Variants in UGT1A9 observed in about 807,000 individuals in gnomAD.
UGT1A9 encodes UDP glucuronosyltransferase family 1 member A9.
Under a neutral mutation model 45.0 loss-of-function variants are expected in UGT1A9, and 35 were observed. The ratio of observed to expected loss-of-function variants is 0.78; its 90% CI spans 0.59 to 1.03. The LOEUF (loss-of-function observed/expected upper bound fraction) is 1.03, where lower values mean the gene tolerates loss of function less well. Ranked by LOEUF, UGT1A9 falls within the 50% of genes least tolerant of loss-of-function variation. The pLI is 0.00. For synonymous variants in UGT1A9, 278 were observed against 250.6 expected (o/e 1.11, Z -1.03); for missense variants, 687 against 666.6 (o/e 1.03, Z -0.34).
At chr2:233,685,186 A>G (rs2074727180) in intron 1 of UGT1A9, among the ~76,000 whole-genome samples, 1 of 152,130 alleles carries the variant, frequency 6.6e-6, no homozygotes, top group Admixed American at 6.5e-5. Flanking sequence ...TCAGGAGAAC[A>G]TTAAAACGGT....
At chr2:233,679,411 G>T (rs1347340983) in intron 1 of UGT1A9, among the ~76,000 whole-genome samples, 2 of 152,186 alleles carry the variant, frequency 1.3e-5, no homozygotes, top group African/African-American at 4.8e-5. Context: ...AGGTTTGGCA[G>T]TTCTACTGAT....
intron 1 of UGT1A9, chr2:233,713,255 A>G (rs1242833896): frequency 6.2e-7 from 1 of 1,614,152 alleles, no homozygotes; most frequent in Admixed American, 1.7e-5. Flanking sequence ...CCCAGGACGA[A>G]TTTGATCGCC....
At chr2:233,718,968 G>A (rs1423240253) in intron 1 of UGT1A9, 1 of 1,614,222 alleles carries the variant, frequency 6.2e-7, no homozygotes, top group Non-Finnish European at 8.5e-7. Flanking sequence ...GGCCTTGCGG[G>A]AGCTCCATGC....
chr2:233,722,844 T>C (rs1216132787), intron 1 of UGT1A9, among the ~76,000 whole-genome samples: 6 of 105,740 alleles, frequency 5.7e-5, no homozygotes, highest in African/African-American at 3.6e-4. Flanking sequence ...TAAGAATGTT[T>C]CTTTTTTTTT....
chr2:233,715,509 C>G (rs991063274), intron 1 of UGT1A9, among the ~76,000 whole-genome samples: 3 of 152,138 alleles, frequency 2.0e-5, no homozygotes, highest in African/African-American at 7.2e-5. Context: ...GGGTAGCTCA[C>G]ACCTGTAATT....
At chr2:233,702,172 T>C (rs2075673441) in intron 1 of UGT1A9, among the ~76,000 whole-genome samples, 1 of 152,210 alleles carries the variant, frequency 6.6e-6, no homozygotes, top group Non-Finnish European at 1.5e-5. Context: ...TCACTCTTCT[T>C]TCTCTCCTTC....
At chr2:233,771,698 A>G (rs892218397) in intron 4 of UGT1A9, 1 of 152,738 alleles carries the variant, frequency 6.5e-6, no homozygotes, top group Non-Finnish European at 1.5e-5. Flanking sequence ...GAAGAAGAGT[A>G]GGAAGCAAGG....
chr2:233,692,696 C>G lies in UGT1A9; in HGVS notation c.855+19907C>G, dbSNP rs28898576. ...ATTGGCAGGGGGTCCTCAGGGGTCT[C>G]TCCAAGTCATCTTCAAAGTGTTGCT... On this transcript the variant is annotated intron_variant, in intron 1 of 4. Coordinates refer to ENST00000354728, the MANE Select transcript of UGT1A9 (RefSeq NM_021027.3). The G allele has an allele frequency of 5.4e-3, 2,104 of 392,412 alleles. 43 individuals are homozygous for G. The highest frequency in any genetic ancestry group is 0.043 in the African/African-American group (1,970 of 45,804). The allele number at this position is 392,412 out of a possible 1,614,324, so 24.3% of individuals were successfully genotyped here. A position where few individuals can be genotyped will look rare whatever the true frequency, so the allele number is the denominator to read the frequency against.
At chr2:233,767,659 C>G (rs975874168) in intron 2 of UGT1A9, among the ~76,000 whole-genome samples, 190 bp from the exon 3 acceptor site, 4 of 152,186 alleles carry the variant, frequency 2.6e-5, no homozygotes, top group African/African-American at 9.7e-5. Context: ...TGCATACACC[C>G]TTGTAACTAA....
intron 1 of UGT1A9, among the ~76,000 whole-genome samples, chr2:233,762,527 A>C (rs1575790124): frequency 4.6e-5 from 7 of 152,228 alleles, no homozygotes; most frequent in Admixed American, 3.9e-4. Context: ...ATTTCATGGT[A>C]CTTGTGTACC....
chr2:233,681,987 T>G (rs2074548749), intron 1 of UGT1A9: 11 of 1,614,188 alleles, frequency 6.8e-6, no homozygotes, highest in Middle Eastern at 1.7e-4. Context: ...GTGTGTCTAC[T>G]GCTGACCTGT....
chr2:233,724,596 C>T (rs202203863), intron 1 of UGT1A9, among the ~76,000 whole-genome samples: 7 of 113,880 alleles, frequency 6.1e-5, no homozygotes, highest in Non-Finnish European at 1.1e-4. Flanking sequence ...ACATCTCAGA[C>T]GATGGGCGGC....
intron 1 of UGT1A9, among the ~76,000 whole-genome samples, chr2:233,694,844 C>A (rs2075243511): frequency 6.6e-6 from 1 of 152,268 alleles, no homozygotes; most frequent in East Asian, 1.9e-4. Context: ...TGTCAGGATT[C>A]TTTTAATTGG....
chr2:233,772,992 CT>C lies in UGT1A9; in HGVS notation c.*434del. The C allele has an allele frequency of 1.2e-5, 3 of 257,330 alleles. No individual in the cohort carries two copies. Among genetic ancestry groups the C allele is most frequent in the South Asian group, 5.0e-5 (1 of 19,850 alleles). The allele number at this position is 257,330 out of a possible 1,614,324, so 15.9% of individuals were successfully genotyped here. Reference sequence around the variant, plus strand: ...TTAACCAATAATGGTCAGTCCTCATCTCTGTCGTGCTTCATAGGTGCCACCT... The same window carrying C: ...TTAACCAATAATGGTCAGTCCTCATCCTGTCGTGCTTCATAGGTGCCACCT... On this transcript the variant is annotated 3_prime_UTR_variant, in exon 5 of 5. Transcript: ENST00000354728.
At chr2:233,683,552 C>A (rs1273421240) in intron 1 of UGT1A9, among the ~76,000 whole-genome samples, 1 of 152,072 alleles carries the variant, frequency 6.6e-6, no homozygotes, top group Non-Finnish European at 1.5e-5. Context: ...GTGAGATTGG[C>A]CTTCTTTTGC....
chr2:233,719,731 A>G (rs906516699), intron 1 of UGT1A9: 3 of 1,613,372 alleles, frequency 1.9e-6, no homozygotes, highest in African/African-American at 2.7e-5. Flanking sequence ...CAGGCAAAAC[A>G]CTTTTTAAAA....
chr2:233,751,650 C>G (rs1180947781), intron 1 of UGT1A9, among the ~76,000 whole-genome samples: 1 of 152,190 alleles, frequency 6.6e-6, no homozygotes, highest in African/African-American at 2.4e-5. Context: ...TTGCTGTTCT[C>G]ATCCTACTGA....
chr2:233,772,941 C>G lies in UGT1A9; in HGVS notation c.*382C>G. The G allele has an allele frequency of 3.0e-6, 1 of 336,190 alleles. No homozygotes were observed. The highest frequency in any genetic ancestry group is 5.5e-6 in the Non-Finnish European group (1 of 182,010). The allele number at this position is 336,190 out of a possible 1,614,324, so 20.8% of individuals were successfully genotyped here. A position where few individuals can be genotyped will look rare whatever the true frequency, so the allele number is the denominator to read the frequency against. ...TGGCAGTTTTAATCTTATCTTTTGG[C>G]TTCTGCAGATGGTTGCAATTGATCC... is the stretch of plus-strand genomic sequence containing the variant. On this transcript the variant is annotated 3_prime_UTR_variant, in exon 5 of 5. Coordinates refer to ENST00000354728, the MANE Select transcript of UGT1A9 (RefSeq NM_021027.3).
Position 233,760,817 on chromosome 2 carries a change from G to A in UGT1A9, c.856-6217G>A, listed in dbSNP as rs1373930486. 1 of 1,613,516 alleles carries A rather than the reference G, an allele frequency of 6.2e-7. No individual in the cohort carries two copies. Among genetic ancestry groups the A allele is most frequent in the South Asian group, 1.1e-5 (1 of 91,054 alleles). ...GTATTCTTCTTGCATGCACTGCCAT[G>A]CAGCCTGGAATTTGAGGCTACCCAG... On this transcript the variant is annotated intron_variant, in intron 1 of 4. Transcript: ENST00000354728.
Sources: gnomAD v4.1 joint callset for allele counts (sites outside exome capture counted in the v4.1 genomes callset) on GRCh38, gnomAD v4.1.1 for gene constraint, MANE v1.5 for transcripts, NCBI Gene and HGNC (gene_info 2026-07-23, HGNC 2026-07-21) for gene names.